DENND1A: variants seen among roughly 807,000 people sequenced by gnomAD.
DENND1A encodes the protein DENN domain-containing protein 1A.
A neutral mutation model predicts 113.7 loss-of-function variants in DENND1A; 51 were observed. The ratio of observed to expected loss-of-function variants is 0.45; its 90% CI spans 0.36 to 0.57. DENND1A has a LOEUF of 0.57. Ranked by LOEUF, DENND1A falls within the 20% of genes least tolerant of loss-of-function variation. DENND1A has a pLI of 0.00. For synonymous variants in DENND1A, 565 were observed against 570.8 expected (o/e 0.99, Z 0.14); for missense variants, 1,258 against 1,395.9 (o/e 0.90, Z 1.57).
At chr9:123,775,651 T>G (rs1327920755) in intron 3 of DENND1A, among the ~76,000 whole-genome samples, 1 of 152,208 alleles carries the variant, frequency 6.6e-6, no homozygotes, top group African/African-American at 2.4e-5. Context: ...CTCACATTAG[T>G]CTAGAGAAAA....
chr9:123,454,840 T>A, intron 15 of DENND1A, 61 bp from the exon 16 acceptor site: 1 of 1,434,672 alleles, frequency 7.0e-7, no homozygotes, highest in Non-Finnish European at 9.5e-7. Context: ...TTGGGAGTCC[T>A]TAAAATTGCT....
intron 8 of DENND1A, among the ~76,000 whole-genome samples, chr9:123,665,210 T>G (rs141057091): frequency 1.5e-3 from 223 of 152,312 alleles, no homozygotes; most frequent in African/African-American, 4.8e-3. Context: ...ATTTTACCAT[T>G]TATTTCCTGT....
intron 8 of DENND1A, among the ~76,000 whole-genome samples, chr9:123,652,828 C>CT (rs200520384): frequency 0.01 from 1,574 of 152,230 alleles, 19 homozygotes; most frequent in Non-Finnish European, 0.015. Flanking sequence ...TTTTAACTAG[C>CT]TTTTTTCCAC....
intron 13 of DENND1A, among the ~76,000 whole-genome samples, chr9:123,534,422 C>T (rs1030830855): frequency 2.6e-5 from 4 of 152,266 alleles, no homozygotes; most frequent in South Asian, 4.2e-4. Context: ...TATTTCATCA[C>T]GTAAATATTA....
At chr9:123,815,690 T>C (rs556111386) in intron 2 of DENND1A, among the ~76,000 whole-genome samples, 1 of 152,194 alleles carries the variant, frequency 6.6e-6, no homozygotes, top group African/African-American at 2.4e-5. Flanking sequence ...CTAAATAGTT[T>C]TAGCGTATTA....
chr9:123,921,676 T>C (rs2479102), intron 1 of DENND1A, among the ~76,000 whole-genome samples: 62,117 of 152,104 alleles, frequency 0.41, 16,001 homozygotes, highest in African/African-American at 0.73. Flanking sequence ...ACATTCACTA[T>C]GGATCCCTCA....
At chr9:123,733,181 A>G (rs927995847) in intron 5 of DENND1A, among the ~76,000 whole-genome samples, 38 of 152,108 alleles carry the variant, frequency 2.5e-4, no homozygotes, top group African/African-American at 9.2e-4. Flanking sequence ...GGGTTTCTCC[A>G]TGTAGGTCAG....
At chr9:123,556,571 T>A (rs1388351687) in intron 13 of DENND1A, among the ~76,000 whole-genome samples, 1 of 152,150 alleles carries the variant, frequency 6.6e-6, no homozygotes. Context: ...AAAGTAAAAA[T>A]AGAAACAAAC....
chr9:123,824,589 C>T (rs914981172), intron 2 of DENND1A, among the ~76,000 whole-genome samples: 2 of 151,520 alleles, frequency 1.3e-5, no homozygotes, highest in African/African-American at 2.4e-5. Context: ...CTGAGAAAGC[C>T]AAAAAGTAAA....
intron 9 of DENND1A, among the ~76,000 whole-genome samples, chr9:123,635,505 T>A (rs2061660495): frequency 2.0e-5 from 3 of 152,252 alleles, no homozygotes; most frequent in African/African-American, 7.2e-5. Flanking sequence ...CCTTCCACAG[T>A]GTGGAGGACT....
At chr9:123,773,767 C>T (rs1830068843) in intron 3 of DENND1A, among the ~76,000 whole-genome samples, 2 of 152,216 alleles carry the variant, frequency 1.3e-5, no homozygotes, top group Non-Finnish European at 1.5e-5. Flanking sequence ...AAATAAATGC[C>T]ATCTGAAAGA....
intron 12 of DENND1A, among the ~76,000 whole-genome samples, chr9:123,560,205 A>G (rs1260447311): frequency 6.6e-6 from 1 of 152,218 alleles, no homozygotes; most frequent in Non-Finnish European, 1.5e-5. Flanking sequence ...TGACAATCTG[A>G]AAAGCAAAAA....
intron 2 of DENND1A, chr9:123,798,403 G>A (rs927012846): frequency 6.6e-6 from 1 of 152,140 alleles, no homozygotes; most frequent in African/African-American, 2.4e-5. Flanking sequence ...AGTTGTTGAA[G>A]TTATGAATGT....
intron 13 of DENND1A, among the ~76,000 whole-genome samples, chr9:123,512,656 C>G (rs1273763506): frequency 7.2e-5 from 11 of 152,218 alleles, no homozygotes. Context: ...GGCATGGATG[C>G]AACTGGAAGC....
chr9:123,883,163 C>T (rs149549638), intron 1 of DENND1A, among the ~76,000 whole-genome samples: 7 of 152,346 alleles, frequency 4.6e-5, no homozygotes, highest in African/African-American at 1.4e-4. Flanking sequence ...CCCCAACACA[C>T]ACTCTATCAC....
chr9:123,710,461 C>T (rs568774786), intron 5 of DENND1A, among the ~76,000 whole-genome samples: 2 of 152,150 alleles, frequency 1.3e-5, no homozygotes, highest in East Asian at 1.9e-4. Context: ...AGAATCCTTT[C>T]TAGTCACTCA....
In DENND1A at chr9:123,734,536, T is replaced by C. The variant is rs150162939; in HGVS notation, c.302+23167A>G. On this transcript the variant is annotated intron_variant, in intron 5 of 23. Coordinates refer to ENST00000394215, the MANE Select transcript of DENND1A (RefSeq NM_001352964.2). ...ACACGTTTCCTTAGCCTAAGTCAAATAAGGCACCAAGTTTGGGATGGGGGC... is the reference window on the plus strand; with the variant it reads ...ACACGTTTCCTTAGCCTAAGTCAAACAAGGCACCAAGTTTGGGATGGGGGC... 1.1e-4 allele frequency among the ~76,000 whole-genome samples: 16 copies of C among 152,188 alleles called. No homozygotes were observed. The East Asian group carries it at 3.1e-3, about 29-fold the overall frequency.
intron 11 of DENND1A, among the ~76,000 whole-genome samples, chr9:123,608,003 T>C (rs2060249930): frequency 6.6e-6 from 1 of 152,158 alleles, no homozygotes; most frequent in Non-Finnish European, 1.5e-5. Context: ...ATTTCAATTT[T>C]TCATACGGGA....
At chr9:123,914,334 C>T (rs569736100) in intron 1 of DENND1A, among the ~76,000 whole-genome samples, 5 of 151,712 alleles carry the variant, frequency 3.3e-5, no homozygotes, top group East Asian at 1.9e-4. Flanking sequence ...GTCAGGAGAT[C>T]GAGACTATCC....
Sources: gnomAD v4.1 joint callset for allele counts (sites outside exome capture counted in the v4.1 genomes callset) on GRCh38, gnomAD v4.1.1 for gene constraint, MANE v1.5 for transcripts, NCBI Gene and HGNC (gene_info 2026-07-23, HGNC 2026-07-21) for gene names.